The following AIG1 variants were observed in gnomAD, a reference collection of about 807,000 sequenced individuals.
The protein encoded by AIG1 is androgen induced 1.
In AIG1, 23 loss-of-function variants were observed where a neutral mutation model predicts 31.4. That is an observed-to-expected ratio of 0.73 (90% CI 0.53 to 1.04). AIG1 has a LOEUF of 1.04. Ranked by LOEUF, AIG1 falls within the 50% of genes least tolerant of loss-of-function variation. The pLI, the probability that AIG1 is intolerant of heterozygous loss-of-function variation, is 0.00. For synonymous variants in AIG1, 100 were observed against 110.5 expected, an observed-to-expected ratio of 0.90 and a Z score of 0.60; for missense variants, 274 against 295.0, an observed-to-expected ratio of 0.93 and a Z score of 0.52.
At chr6:143,319,621 A>C (rs958453836) in intron 4 of AIG1, among the ~76,000 whole-genome samples, 1 of 152,214 alleles carries the variant, frequency 6.6e-6, no homozygotes, top group Admixed American at 6.5e-5. Flanking sequence ...AAAACTATTG[A>C]AATGAAACAT....
At chr6:143,239,881 C>T (rs1794112068) in intron 3 of AIG1, among the ~76,000 whole-genome samples, 1 of 152,166 alleles carries the variant, frequency 6.6e-6, no homozygotes. Flanking sequence ...GGATGTTTAC[C>T]TGACTGGAAC....
intron 1 of AIG1, among the ~76,000 whole-genome samples, chr6:143,115,927 G>T (rs1295486512): frequency 6.6e-6 from 1 of 152,166 alleles, no homozygotes; most frequent in African/African-American, 2.4e-5. Context: ...TGATGGTCCT[G>T]GTTAGCATTA....
chr6:143,187,596 A>G, intron 3 of AIG1: 1 of 1,536,130 alleles, frequency 6.5e-7, no homozygotes, highest in Non-Finnish European at 8.7e-7. Context: ...GAGAGAAGGC[A>G]ATTAAAAGAT....
chr6:143,311,475 A>G (rs184731619), intron 4 of AIG1, among the ~76,000 whole-genome samples: 2 of 152,096 alleles, frequency 1.3e-5, no homozygotes, highest in African/African-American at 4.8e-5. Flanking sequence ...AACCAAGTGG[A>G]ATGTATTCTA....
intron 3 of AIG1, among the ~76,000 whole-genome samples, chr6:143,220,781 C>T (rs1410856740): frequency 3.9e-5 from 6 of 152,306 alleles, no homozygotes; most frequent in African/African-American, 1.2e-4. Flanking sequence ...GAGCACACAC[C>T]ACCTCAGCTG....
chr6:143,187,472 C>G, intron 3 of AIG1: 1 of 1,535,662 alleles, frequency 6.5e-7, no homozygotes, highest in Non-Finnish European at 8.7e-7. Context: ...ACTCGACACT[C>G]TGCTCAATTG....
intron 2 of AIG1, among the ~76,000 whole-genome samples, chr6:143,155,013 A>AT (rs61017846): frequency 0.045 from 5,567 of 123,932 alleles, 208 homozygotes; most frequent in African/African-American, 0.11. Flanking sequence ...ACATCTGGCT[A>AT]TTTTTTTTTT....
chr6:143,159,102 A>G (rs186387077), intron 2 of AIG1, among the ~76,000 whole-genome samples: 220 of 152,378 alleles, frequency 1.4e-3, no homozygotes, highest in African/African-American at 5.0e-3. Context: ...TGGAGGTGCT[A>G]TTTAAGCTAG....
At chr6:143,224,241 C>A (rs1266416599) in intron 3 of AIG1, among the ~76,000 whole-genome samples, 1 of 152,218 alleles carries the variant, frequency 6.6e-6, no homozygotes, top group Admixed American at 6.5e-5. Context: ...GACCACACAT[C>A]CAAACCGGAA....
rs2085645407 is a variant in AIG1, at chr6:143,187,574, AC to A, written c.399+22393del. The A allele has an allele frequency of 2.6e-6, 4 of 1,536,000 alleles. No homozygotes were observed. In the African/African-American group the frequency reaches 4.1e-5, roughly 16 times the overall value. On this transcript the variant is annotated intron_variant, in intron 3 of 5. Transcript: ENST00000357847. ...TATTTGCATAAAAATATGAAAAGCA[AC>A]CTTCTGCAGGGAGAGAAGGCAATTA...
chr6:143,327,401 GC>G lies in AIG1; in HGVS notation c.516-5877del, dbSNP rs1776698138. The G allele has an allele frequency of 3.6e-5, 12 of 331,468 alleles. No homozygotes were observed. Among genetic ancestry groups the G allele is most frequent in the South Asian group, 3.3e-4 (11 of 33,526 alleles). The allele number at this position is 331,468 out of a possible 1,614,324, so 20.5% of individuals were successfully genotyped here. Reference sequence around the variant, plus strand: ...CCATGGAGTGGGCTTCAAGAAGTCTGCCCCTTGGGCACTCAAAGAGATCTGG... The same window carrying G: ...CCATGGAGTGGGCTTCAAGAAGTCTGCCCTTGGGCACTCAAAGAGATCTGG... On this transcript the variant is annotated intron_variant, in intron 4 of 5. Transcript: ENST00000357847. The surrounding 1 kb of genome is among the most constrained non-coding windows in gnomAD (Gnocchi z 5.3).
rs1776734295 is a variant in AIG1, at chr6:143,066,600, T to C, written c.141+5534T>C. 1.3e-5 allele frequency among the ~76,000 whole-genome samples: 2 copies of C among 152,122 alleles called. 1 individual carries two copies. The highest frequency in any genetic ancestry group is 4.1e-4 in the South Asian group (2 of 4,828). Reference sequence around the variant, plus strand: ...AATTCTGCCTATTTTCAAAACATATTACAGATTGACTTTCACTGTGATATA... The same window carrying C: ...AATTCTGCCTATTTTCAAAACATATCACAGATTGACTTTCACTGTGATATA... On this transcript the variant is annotated intron_variant, in intron 1 of 5. Coordinates refer to ENST00000357847, the MANE Select transcript of AIG1 (RefSeq NM_016108.4).
chr6:143,061,619 A>G (rs1776269044), intron 1 of AIG1: 3 of 290,340 alleles, frequency 1.0e-5, no homozygotes, highest in Non-Finnish European at 1.4e-5. Context: ...CCCATTGTCA[A>G]TAATTTACTT....
chr6:143,209,117 C>T (rs888666418), intron 3 of AIG1, among the ~76,000 whole-genome samples: 2 of 152,202 alleles, frequency 1.3e-5, no homozygotes, highest in Non-Finnish European at 2.9e-5. Context: ...GCCACCTCAC[C>T]CCTGCAGTTC....
intron 3 of AIG1, among the ~76,000 whole-genome samples, chr6:143,219,954 A>G (rs572399303): frequency 2.0e-5 from 3 of 152,292 alleles, no homozygotes; most frequent in South Asian, 2.1e-4. Flanking sequence ...TAATGACCCA[A>G]CTGTTCTTTT....
chr6:143,141,942 A>T (rs1030002578), intron 2 of AIG1, among the ~76,000 whole-genome samples: 3 of 151,136 alleles, frequency 2.0e-5, no homozygotes, highest in Non-Finnish European at 3.0e-5. Context: ...AAATAAATAA[A>T]ATATATATAT....
At chr6:143,213,665 C>T (rs1337022986) in intron 3 of AIG1, among the ~76,000 whole-genome samples, 1 of 143,398 alleles carries the variant, frequency 7.0e-6, no homozygotes, top group African/African-American at 2.5e-5. Flanking sequence ...TACAGGCACC[C>T]ACCACCACGC....
intron 3 of AIG1, among the ~76,000 whole-genome samples, chr6:143,211,867 T>C (rs1791617158): frequency 6.6e-6 from 1 of 151,370 alleles, no homozygotes. Flanking sequence ...CACTCCTGTG[T>C]GGGCAACAGA....
At chr6:143,261,280 C>T (rs1444425782) in intron 3 of AIG1, among the ~76,000 whole-genome samples, 1 of 152,196 alleles carries the variant, frequency 6.6e-6, no homozygotes, top group East Asian at 1.9e-4. Context: ...TCCAGGCACA[C>T]ACCACCATGC....
Sources: allele counts gnomAD v4.1 joint callset (sites outside exome capture counted in the v4.1 genomes callset), GRCh38; gene constraint gnomAD v4.1.1; non-coding constraint Gnocchi (gnomAD v3.1); transcripts MANE v1.5; gene names NCBI Gene and HGNC (gene_info 2026-07-23, HGNC 2026-07-21).